Variants in PTPRD observed in about 807,000 individuals in gnomAD.
PTPRD encodes the protein receptor-type tyrosine-protein phosphatase delta.
A neutral mutation model predicts 214.5 loss-of-function variants in PTPRD; 34 were observed. That is an observed-to-expected ratio of 0.16 (90% confidence interval 0.12 to 0.21). The LOEUF is 0.21. Ranked by LOEUF, PTPRD falls within the 10% of genes least tolerant of loss-of-function variation. The pLI, the probability that PTPRD is intolerant of heterozygous loss-of-function variation, is 1.00. For synonymous variants in PTPRD, 1,128 were observed against 845.7 expected, an observed-to-expected ratio of 1.33 and a Z score of -5.79; for missense variants, 2,545 against 2,398.7, an observed-to-expected ratio of 1.06 and a Z score of -1.27.
Position 8,466,108 on chromosome 9 carries a change from G to C in PTPRD, c.3505-433C>G, listed in dbSNP as rs978284296. 1.2e-3 allele frequency among the ~76,000 whole-genome samples: 187 copies of C among 151,998 alleles called. 1 individual carries two copies. Among genetic ancestry groups the C allele is most frequent in the African/African-American group, 3.9e-3 (160 of 41,514 alleles). On this transcript the variant is annotated intron_variant, in intron 31 of 45. Transcript: ENST00000381196. ...TTAAATATAGCCACATTTTAGAAGA[G>C]GTTAGTGCCACTTTAGATTGTTTTG... is the stretch of plus-strand genomic sequence containing the variant.
chr9:9,768,189 A>G (rs1244826494), intron 5 of PTPRD, among the ~76,000 whole-genome samples: 1 of 152,114 alleles, frequency 6.6e-6, no homozygotes, highest in Non-Finnish European at 1.5e-5. Flanking sequence ...GGTTCCTTGG[A>G]TAGCTAATCA....
At chr9:10,231,190 T>C (rs1056834460) in intron 3 of PTPRD, among the ~76,000 whole-genome samples, 88 of 151,976 alleles carry the variant, frequency 5.8e-4, no homozygotes, top group African/African-American at 2.0e-3. Context: ...TTTAATCAAG[T>C]GTGACATACA....
intron 3 of PTPRD, among the ~76,000 whole-genome samples, chr9:10,249,059 T>C (rs1317285967): frequency 6.6e-6 from 1 of 152,162 alleles, no homozygotes; most frequent in East Asian, 1.9e-4. Context: ...AAGATGTTTC[T>C]TCTGCAGATC....
intron 3 of PTPRD, among the ~76,000 whole-genome samples, chr9:10,133,070 T>C (rs375716473): frequency 3.3e-5 from 5 of 152,296 alleles, no homozygotes; most frequent in South Asian, 2.1e-4. Context: ...CATGTAGATA[T>C]AGAGGCAAAG....
intron 3 of PTPRD, among the ~76,000 whole-genome samples, chr9:10,125,717 C>A (rs932638409): frequency 1.3e-5 from 2 of 151,408 alleles, no homozygotes; most frequent in Admixed American, 1.3e-4. Context: ...CTCCTTTCCT[C>A]GGGATCCGCT....
chr9:8,657,459 G>A (rs955880532), intron 12 of PTPRD, among the ~76,000 whole-genome samples: 8 of 152,050 alleles, frequency 5.3e-5, no homozygotes, highest in East Asian at 1.9e-4. Flanking sequence ...GTGAGCCACC[G>A]TGCCCGGCCT....
intron 2 of PTPRD, among the ~76,000 whole-genome samples, chr9:10,557,234 T>C (rs753384600): frequency 1.3e-5 from 2 of 152,096 alleles, no homozygotes; most frequent in Non-Finnish European, 2.9e-5. Context: ...AGCATCTGTT[T>C]TCTGCTTCTC....
chr9:9,846,766 G>C (rs1286174202), intron 5 of PTPRD, among the ~76,000 whole-genome samples: 1 of 152,052 alleles, frequency 6.6e-6, no homozygotes, highest in South Asian at 2.1e-4. Context: ...ACACTGCTTG[G>C]ACAGCATAAA....
intron 5 of PTPRD, among the ~76,000 whole-genome samples, chr9:9,918,167 A>T (rs2081468621): frequency 6.6e-6 from 1 of 152,036 alleles, no homozygotes; most frequent in Admixed American, 6.6e-5. Flanking sequence ...AGAGTCTACC[A>T]AAAATCTCAG....
At chr9:8,582,970 A>G (rs1312793937) in intron 14 of PTPRD, among the ~76,000 whole-genome samples, 6 of 152,202 alleles carry the variant, frequency 3.9e-5, no homozygotes. Flanking sequence ...GAAATAATTA[A>G]AAACCACTCA....
intron 11 of PTPRD, among the ~76,000 whole-genome samples, chr9:8,815,378 G>A (rs1373047737): frequency 6.6e-6 from 1 of 152,122 alleles, no homozygotes; most frequent in African/African-American, 2.4e-5. Context: ...ATATTGAGAT[G>A]AGTTAGGCTC....
chr9:9,838,132 T>C (rs2057335417), intron 5 of PTPRD, among the ~76,000 whole-genome samples: 2 of 152,182 alleles, frequency 1.3e-5, no homozygotes, highest in Non-Finnish European at 2.9e-5. Flanking sequence ...TATTCCATGG[T>C]GTATTTGTGC....
intron 9 of PTPRD, among the ~76,000 whole-genome samples, chr9:9,275,262 C>G (rs1439506109): frequency 4.0e-5 from 5 of 125,956 alleles, no homozygotes; most frequent in African/African-American, 1.5e-4. Context: ...GGGAAAGTAT[C>G]TATCTGTGAC....
chr9:9,116,384 A>G (rs2099812357), intron 10 of PTPRD, among the ~76,000 whole-genome samples: 1 of 152,124 alleles, frequency 6.6e-6, no homozygotes, highest in Non-Finnish European at 1.5e-5. Context: ...ACCAAATACC[A>G]CATGTTCTCA....
At chr9:9,707,748 A>C (rs549659067) in intron 7 of PTPRD, among the ~76,000 whole-genome samples, 101 of 152,148 alleles carry the variant, frequency 6.6e-4, no homozygotes, top group African/African-American at 2.3e-3. Context: ...CGTTTATCTT[A>C]TTTTTGATGA....
At chr9:10,446,172 G>C (rs2098797668) in intron 2 of PTPRD, among the ~76,000 whole-genome samples, 1 of 151,968 alleles carries the variant, frequency 6.6e-6, no homozygotes, top group South Asian at 2.1e-4. Flanking sequence ...TGATGCTACA[G>C]GTAGTCCGAG....
chr9:9,960,799 T>C (rs1163547224), intron 4 of PTPRD, among the ~76,000 whole-genome samples: 2 of 152,064 alleles, frequency 1.3e-5, no homozygotes, highest in Admixed American at 6.6e-5. Context: ...TGAACATTTA[T>C]TAAAAACAAA....
At chr9:9,209,487 G>A (rs995975372) in intron 9 of PTPRD, among the ~76,000 whole-genome samples, 1 of 152,150 alleles carries the variant, frequency 6.6e-6, no homozygotes, top group Non-Finnish European at 1.5e-5. Context: ...GCATTAAAGA[G>A]TTATTGTTAA....
rs62534003 is a variant in PTPRD, at chr9:8,367,011, C to T, written c.4661+8925G>A. Among the ~76,000 whole-genome samples the T allele has an allele frequency of 4.9e-3, 753 of 152,216 alleles. 5 individuals are homozygous for T. Among genetic ancestry groups the T allele is most frequent in the Non-Finnish European group, 8.4e-3 (573 of 68,018 alleles). ...CCAGTAATGGTGGCACATCTTTGTC[C>T]TTGAAAGTGGATTTATTTATTTATT... On this transcript the variant is annotated intron_variant, in intron 39 of 45. Coordinates refer to ENST00000381196, the MANE Select transcript of PTPRD (RefSeq NM_002839.4).
Sources: gnomAD v4.1 joint callset for allele counts (sites outside exome capture counted in the v4.1 genomes callset) on GRCh38, gnomAD v4.1.1 for gene constraint, MANE v1.5 for transcripts, NCBI Gene and HGNC (gene_info 2026-07-23, HGNC 2026-07-21) for gene names.